Variants in ABCC4 observed in about 807,000 individuals in gnomAD.
ABCC4 encodes ATP binding cassette subfamily C member 4 (PEL blood group).
In ABCC4, 102 loss-of-function variants were observed where a neutral mutation model predicts 168.5. That is an observed-to-expected ratio of 0.61 (90% CI 0.52 to 0.71). ABCC4 has a LOEUF of 0.71. Ranked by LOEUF, ABCC4 falls within the 30% of genes least tolerant of loss-of-function variation. The pLI is 0.00. For missense variants in ABCC4, 1,402 were observed against 1,605.8 expected, an observed-to-expected ratio of 0.87 and a Z score of 2.17; for synonymous variants, 617 against 590.7, an observed-to-expected ratio of 1.04 and a Z score of -0.65.
At chr13:95,137,466 C>T (rs1443074233) in intron 19 of ABCC4, among the ~76,000 whole-genome samples, 2 of 151,996 alleles carry the variant, frequency 1.3e-5, no homozygotes, top group African/African-American at 2.4e-5. Context: ...GAAAATGAAA[C>T]CCATATTTTT....
At chr13:95,094,073 A>AG (rs1453427154) in intron 20 of ABCC4, among the ~76,000 whole-genome samples, 6 of 152,206 alleles carry the variant, frequency 3.9e-5, no homozygotes, top group African/African-American at 1.4e-4. Flanking sequence ...ATGGATGGAT[A>AG]GAATCAATAT....
At chr13:95,218,925 A>AGAGAGAGAGAG (rs1566539415) in intron 4 of ABCC4, among the ~76,000 whole-genome samples, 2 of 94,738 alleles carry the variant, frequency 2.1e-5, no homozygotes, top group Non-Finnish European at 4.0e-5. Flanking sequence ...GAGAGAAAGA[A>AGAGAGAGAGAG]AGAGAAAGAA....
intron 19 of ABCC4, among the ~76,000 whole-genome samples, chr13:95,126,501 A>G (rs1050923439): frequency 2.8e-4 from 43 of 151,968 alleles, no homozygotes; most frequent in African/African-American, 9.7e-4. Flanking sequence ...CAAAACATTC[A>G]GTGTGAGAAC....
chr13:95,077,918 G>A (rs997820364), intron 21 of ABCC4, among the ~76,000 whole-genome samples: 8 of 152,070 alleles, frequency 5.3e-5, no homozygotes, highest in Admixed American at 6.5e-5. Flanking sequence ...CCACAGTTCC[G>A]TAAGTGAAGG....
chr13:95,293,167 G>C (rs1289789757), intron 1 of ABCC4, among the ~76,000 whole-genome samples: 2 of 151,906 alleles, frequency 1.3e-5, no homozygotes, highest in Non-Finnish European at 2.9e-5. Context: ...TCTCCATCTT[G>C]GCCAACATGG....
At chr13:95,209,160 C>T (rs948705955) in intron 6 of ABCC4, among the ~76,000 whole-genome samples, 2 of 152,170 alleles carry the variant, frequency 1.3e-5, no homozygotes, top group African/African-American at 2.4e-5. Context: ...CTAACTTCTA[C>T]ATATGTGATT....
At chr13:95,289,487 G>A (rs986806650) in intron 1 of ABCC4, among the ~76,000 whole-genome samples, 89 of 152,114 alleles carry the variant, frequency 5.9e-4, no homozygotes, top group African/African-American at 1.9e-3. Context: ...TGTAACACAA[G>A]AGCAGAGCCA....
intron 27 of ABCC4, among the ~76,000 whole-genome samples, chr13:95,046,268 G>C (rs959347047): frequency 6.6e-6 from 1 of 152,182 alleles, no homozygotes; most frequent in Admixed American, 6.5e-5. Flanking sequence ...CCGGCAGCCA[G>C]ATTTGAAGAA....
chr13:95,044,330 T>C lies in ABCC4; in HGVS notation c.3565A>G (p.Arg1189Gly). ...ATCTGATTTTTCCTGAGAATTGCCC[T>C]GGCAAGGCACACCAGTTGTCTTTGT... is the stretch of plus-strand genomic sequence containing the variant. ...VGQRQLVCLARAILRKNQILI... is the reference protein window; with the variant it reads ...VGQRQLVCLAGAILRKNQILI... Residue 1189 changes from arginine (R) to glycine (G), a missense_variant, in exon 28 of 31, where the codon AGG (arginine) becomes GGG (glycine). By Grantham distance (125) the Arg-to-Gly change is moderately radical. Coordinates refer to ENST00000645237, the MANE Select transcript of ABCC4 (RefSeq NM_005845.5). 1.2e-6 allele frequency: 2 copies of C among 1,613,816 alleles called. No individual in the cohort carries two copies. The highest frequency in any genetic ancestry group is 1.7e-5 in the Admixed American group (1 of 59,966).
chr13:95,286,864 G>A (rs1415024238), intron 1 of ABCC4, among the ~76,000 whole-genome samples: 2 of 151,388 alleles, frequency 1.3e-5, no homozygotes, highest in Admixed American at 1.3e-4. Flanking sequence ...GGCTGAGGCA[G>A]GAGAATTGCT....
intron 21 of ABCC4, 115 bp from the exon 22 acceptor site, chr13:95,075,666 G>GC: frequency 2.9e-6 from 4 of 1,383,754 alleles, no homozygotes; most frequent in Non-Finnish European, 3.9e-6. Context: ...CTCCTAGGAG[G>GC]CTTCATGTTT....
chr13:95,131,228 AAGT>A (rs1182629601), intron 19 of ABCC4, among the ~76,000 whole-genome samples: 3 of 152,184 alleles, frequency 2.0e-5, no homozygotes, highest in African/African-American at 7.2e-5. Context: ...TCTAATTTTC[AAGT>A]GTAGGATTAA....
At chr13:95,040,666 C>G (rs1294290244) in intron 29 of ABCC4, among the ~76,000 whole-genome samples, 1 of 152,168 alleles carries the variant, frequency 6.6e-6, no homozygotes, top group Non-Finnish European at 1.5e-5. Context: ...TTGTCGGTTT[C>G]TTAAAGAGAA....
intron 25 of ABCC4, among the ~76,000 whole-genome samples, chr13:95,071,211 A>C (rs748629022): frequency 2.0e-5 from 3 of 152,208 alleles, no homozygotes; most frequent in Admixed American, 6.5e-5. Context: ...TAAATTGCCT[A>C]GTCTTGGGTA....
intron 20 of ABCC4, among the ~76,000 whole-genome samples, chr13:95,098,253 G>T (rs1176660654): frequency 6.6e-6 from 1 of 151,488 alleles, no homozygotes; most frequent in African/African-American, 2.4e-5. Context: ...AACTTTAAAT[G>T]CATATATTAT....
intron 21 of ABCC4, among the ~76,000 whole-genome samples, chr13:95,076,625 C>T (rs1352040919): frequency 6.6e-6 from 1 of 151,734 alleles, no homozygotes; most frequent in Non-Finnish European, 1.5e-5. Flanking sequence ...CCACCACGGC[C>T]GGCTAATTTT....
intron 1 of ABCC4, among the ~76,000 whole-genome samples, chr13:95,272,789 G>A (rs1435932494): frequency 1.5e-5 from 1 of 64,654 alleles, no homozygotes; most frequent in Admixed American, 1.4e-4. Context: ...TCGAGAGGCT[G>A]AGACAGGGGA....
At chr13:95,079,857 CA>C (rs996197053) in intron 21 of ABCC4, among the ~76,000 whole-genome samples, 1 of 151,604 alleles carries the variant, frequency 6.6e-6, no homozygotes, top group Non-Finnish European at 1.5e-5. Flanking sequence ...AACAAGAAAA[CA>C]AAAAAAACAC....
At chr13:95,207,395 T>C (rs1467131994) in intron 7 of ABCC4, among the ~76,000 whole-genome samples, 2 of 152,194 alleles carry the variant, frequency 1.3e-5, no homozygotes, top group Non-Finnish European at 2.9e-5. Flanking sequence ...GAATGAAAAA[T>C]ACTGATTCAT....
Sources: allele counts gnomAD v4.1 joint callset (sites outside exome capture counted in the v4.1 genomes callset), GRCh38; gene constraint gnomAD v4.1.1; transcripts MANE v1.5; gene names NCBI Gene and HGNC (gene_info 2026-07-23, HGNC 2026-07-21).